Variants in ZW10 observed in about 807,000 individuals in gnomAD.
ZW10 encodes zw10 kinetochore protein, also known as centromere/kinetochore protein zw10 homolog.
A neutral mutation model predicts 87.8 loss-of-function variants in ZW10; 53 were observed. That is an observed-to-expected ratio of 0.60 (90% CI 0.48 to 0.76). ZW10 has a LOEUF of 0.76. Among genes scored for constraint, ZW10 ranks in the 30% least tolerant of loss-of-function variants. ZW10 has a pLI of 0.00. For missense variants in ZW10, 837 were observed against 923.0 expected (o/e 0.91, Z 1.21); for synonymous variants, 312 against 329.2 (o/e 0.95, Z 0.57).
At chr11:113,737,455 AC>A in intron 14 of ZW10, 116 bp downstream of exon 14, 40 of 1,117,702 alleles carry the variant, frequency 3.6e-5, no homozygotes, top group East Asian at 2.3e-4. Context: ...AAAAAAAAAA[AC>A]AGCATGAGTT....
intron 2 of ZW10, among the ~76,000 whole-genome samples, chr11:113,766,673 C>CAAAA (rs34081366): frequency 7.7e-4 from 21 of 27,186 alleles, no homozygotes; most frequent in Non-Finnish European, 9.3e-4. Context: ...GACTCCATCT[C>CAAAA]AAAAAAAAAA....
At chr11:113,767,079 G>A (rs989765770) in intron 2 of ZW10, among the ~76,000 whole-genome samples, 1 of 151,062 alleles carries the variant, frequency 6.6e-6, no homozygotes, top group Non-Finnish European at 1.5e-5. Flanking sequence ...TTTCAAGCAA[G>A]TTAAAATCCT....
At chr11:113,771,644 T>C (rs894852588) in intron 1 of ZW10, 1 of 152,116 alleles carries the variant, frequency 6.6e-6, no homozygotes, top group Non-Finnish European at 1.5e-5. Context: ...CCTTTATCTT[T>C]TAAAAATGTG....
intron 2 of ZW10, among the ~76,000 whole-genome samples, chr11:113,764,306 C>G (rs1307381971): frequency 6.6e-6 from 1 of 152,124 alleles, no homozygotes; most frequent in Non-Finnish European, 1.5e-5. Context: ...ATGACCCCAG[C>G]TTTGTTCTTT....
In ZW10 at chr11:113,736,738, A is replaced by T. The variant is rs1440650788; in HGVS notation, c.2101T>A (p.Ser701Thr). The T allele has an allele frequency of 6.2e-7, 1 of 1,614,190 alleles. No homozygotes were observed. Among genetic ancestry groups the T allele is most frequent in the South Asian group, 1.1e-5 (1 of 91,086 alleles). The stretch of plus-strand genomic sequence containing the variant: ...TATTTCTTGTTCTTGCTTTCTTCAG[A>T]TAAAGGTGCAAATACTTGGGGTCCT... ...DEGPQVFAPL[S>T]EESKNKKYQE... Residue 701 changes from serine to threonine, a missense_variant, in exon 15 of 16, where the codon TCT becomes ACT. Ser to Thr is a moderately conservative substitution (Grantham distance 58, BLOSUM62 1). Coordinates refer to ENST00000200135, the MANE Select transcript of ZW10 (RefSeq NM_004724.4).
chr11:113,762,620 C>T (rs1456562752), intron 2 of ZW10, among the ~76,000 whole-genome samples: 1 of 151,882 alleles, frequency 6.6e-6, no homozygotes, highest in Non-Finnish European at 1.5e-5. Context: ...CAGGTTCAAG[C>T]AATTCTCCTG....
Position 113,739,318 on chromosome 11 carries a change from G to A in ZW10, c.1648C>T (p.His550Tyr). 6.2e-7 allele frequency: 1 copy of A among 1,613,764 alleles called. No individual in the cohort carries two copies. The highest frequency in any genetic ancestry group is 1.1e-5 in the South Asian group (1 of 90,950). Residue 550 changes from histidine to tyrosine, a missense_variant, in exon 12 of 16, where the codon CAC (histidine) becomes TAC (tyrosine). His to Tyr is a moderately conservative substitution (Grantham distance 83, BLOSUM62 2). Coordinates refer to ENST00000200135, the MANE Select transcript of ZW10 (RefSeq NM_004724.4). ...TGATGCCCGAGGGTCAGCAAGTGGT[G>A]AGCAATGTACATACAGTTGTTGTGA... ...IHHNNCMYIA[H>Y]HLLTLGHQFR... is the part of the protein sequence containing the mutation.
At chr11:113,752,262 A>ATGTGTGTG (rs145208653) in intron 7 of ZW10, among the ~76,000 whole-genome samples, 29 of 149,052 alleles carry the variant, frequency 1.9e-4, no homozygotes, top group African/African-American at 6.4e-4. Flanking sequence ...CATGAACAAG[A>ATGTGTGTG]TGTGTGTGTG....
At chr11:113,746,914 A>G (rs1258670431) in intron 9 of ZW10, among the ~76,000 whole-genome samples, 2 of 152,194 alleles carry the variant, frequency 1.3e-5, no homozygotes, top group Non-Finnish European at 2.9e-5. Flanking sequence ...TCTTCTCTAA[A>G]TAAGATGGGA....
In ZW10 at chr11:113,758,584, C is replaced by T. The variant is rs766369112; in HGVS notation, c.703G>A (p.Gly235Arg). Reference sequence around the variant, plus strand: ...GATTTAAGCTTGCTGTGTAGTTCTCCAAGAACAGAAAATGCCAAGAGGACA... The same window carrying T: ...GATTTAAGCTTGCTGTGTAGTTCTCTAAGAACAGAAAATGCCAAGAGGACA... ...SSVLLAFSVL[G>R]ELHSKLKSFG... Residue 235 changes from glycine to arginine, a missense_variant, in exon 6 of 16, where the codon GGA becomes AGA. Coordinates refer to ENST00000200135, the MANE Select transcript of ZW10 (RefSeq NM_004724.4). 1 of 1,613,488 alleles carries T rather than the reference C, an allele frequency of 6.2e-7. No homozygotes were observed. The highest frequency in any genetic ancestry group is 8.5e-7 in the Non-Finnish European group (1 of 1,179,770).
chr11:113,748,185 C>T, intron 8 of ZW10, 72 bp downstream of exon 8: 4 of 1,402,324 alleles, frequency 2.9e-6, no homozygotes, highest in South Asian at 1.7e-5. Context: ...AAACTATCTC[C>T]AAGGAAAAAC....
chr11:113,750,741 A>G (rs1565283689), intron 7 of ZW10, among the ~76,000 whole-genome samples: 2 of 152,248 alleles, frequency 1.3e-5, no homozygotes, highest in Admixed American at 1.3e-4. Flanking sequence ...GTCCAATAAA[A>G]AGTGTGATTT....
chr11:113,760,562 C>T lies in ZW10; in HGVS notation c.371G>A (p.Cys124Tyr). ...EFSTAIEEYNCALTEKKYVTG... is the reference protein window; with the variant it reads ...EFSTAIEEYNYALTEKKYVTG... ...GACATACTTCTTCTCTGTTAATGCA[C>T]AATTATATTCTTCAATAGCAGTGGA... The change falls in exon 4 of 16, where the codon TGT (cysteine) becomes TAT (tyrosine). Residue 124 changes from cysteine to tyrosine, a missense_variant. Coordinates refer to ENST00000200135, the MANE Select transcript of ZW10 (RefSeq NM_004724.4). The T allele has an allele frequency of 6.2e-7, 1 of 1,613,392 alleles. No homozygotes were observed. The highest frequency in any genetic ancestry group is 8.5e-7 in the Non-Finnish European group (1 of 1,179,682).
At position 113,768,876 on chromosome 11, in the gene ZW10, A is replaced by T. The variant is rs753780793; in HGVS notation, c.197T>A (p.Leu66Gln). Residue 66 changes from leucine (L) to glutamine (Q), a missense_variant, in exon 2 of 16, where the codon CTA (leucine) becomes CAA (glutamine). Transcript: ENST00000200135. ...TTTCAGCAGGTCAATGTCTTCAGATAGCTTATCCACCTGGGTAATCAGGCC... is the reference window on the plus strand; with the variant it reads ...TTTCAGCAGGTCAATGTCTTCAGATTGCTTATCCACCTGGGTAATCAGGCC... ...AQGLITQVDK[L>Q]SEDIDLLKSR... The T allele has an allele frequency of 6.2e-7, 1 of 1,614,210 alleles. No homozygotes were observed. Among genetic ancestry groups the T allele is most frequent in the South Asian group, 1.1e-5 (1 of 91,086 alleles).
chr11:113,754,742 C>G (rs1953765581), intron 7 of ZW10, among the ~76,000 whole-genome samples: 1 of 152,092 alleles, frequency 6.6e-6, no homozygotes, highest in African/African-American at 2.4e-5. Context: ...GTAGCACATG[C>G]CACTATGCCT....
intron 7 of ZW10, 45 bp from the exon 8 acceptor site, chr11:113,748,465 A>C (rs768566920): frequency 1.3e-6 from 2 of 1,500,566 alleles, no homozygotes; most frequent in Admixed American, 2.3e-5. Context: ...AACCATTCGC[A>C]GTCCTGGAAT....
At position 113,758,716 on chromosome 11, in the gene ZW10, A is replaced by T. The variant is rs1056840957; in HGVS notation, c.581-10T>A. On this transcript the variant is annotated splice_polypyrimidine_tract_variant and intron_variant, in intron 5 of 15. Coordinates refer to ENST00000200135, the MANE Select transcript of ZW10 (RefSeq NM_004724.4). ...TCCAAACTGCTGGTATCTAAGAAAAAGGAAGAAAAATATCAGCTGTCTCAC... is the reference window on the plus strand; with the variant it reads ...TCCAAACTGCTGGTATCTAAGAAAATGGAAGAAAAATATCAGCTGTCTCAC... The T allele has an allele frequency of 6.2e-7, 1 of 1,613,334 alleles. No individual in the cohort carries two copies. Among genetic ancestry groups the T allele is most frequent in the Non-Finnish European group, 8.5e-7 (1 of 1,179,680 alleles).
chr11:113,746,309 G>A (rs148245051), intron 9 of ZW10, among the ~76,000 whole-genome samples: 153 of 152,296 alleles, frequency 1.0e-3, no homozygotes, highest in African/African-American at 3.5e-3. Context: ...AACAAGGTGA[G>A]AAGATTAAGC....
At chr11:113,744,883 A>T (rs1297331178) in intron 9 of ZW10, among the ~76,000 whole-genome samples, 1 of 152,216 alleles carries the variant, frequency 6.6e-6, no homozygotes, top group Admixed American at 6.5e-5. Flanking sequence ...TGGCTGAAAT[A>T]GCAAAGCTGT....
Sources: allele counts gnomAD v4.1 joint callset (sites outside exome capture counted in the v4.1 genomes callset), GRCh38; gene constraint gnomAD v4.1.1; transcripts MANE v1.5; gene names NCBI Gene and HGNC (gene_info 2026-07-23, HGNC 2026-07-21).